CSMD2: variants seen among roughly 807,000 people sequenced by gnomAD.
CSMD2 encodes the protein CUB and Sushi multiple domains 2.
In CSMD2, 130 loss-of-function variants were observed where a neutral mutation model predicts 398.5. The ratio of observed to expected loss-of-function variants is 0.33; its 90% CI spans 0.28 to 0.38. CSMD2 has a LOEUF of 0.38. CSMD2 is among the 10% of genes least tolerant of loss of function. CSMD2 has a pLI of 1.00. For missense variants in CSMD2, 3,829 were observed against 4,764.9 expected, an observed-to-expected ratio of 0.80 and a Z score of 5.78; for synonymous variants, 1,828 against 1,908.5, an observed-to-expected ratio of 0.96 and a Z score of 1.10.
chr1:33,857,649 C>T (rs547957428), intron 5 of CSMD2, among the ~76,000 whole-genome samples: 19 of 152,136 alleles, frequency 1.2e-4, no homozygotes, highest in South Asian at 4.2e-4. Context: ...AATCTCTCTC[C>T]GTGACTCTAA....
chr1:34,100,180 T>C (rs184610013), intron 1 of CSMD2, among the ~76,000 whole-genome samples: 32 of 152,308 alleles, frequency 2.1e-4, no homozygotes, highest in African/African-American at 6.3e-4. Context: ...TCTTCAATCT[T>C]CAATTTAAAA....
At chr1:34,132,047 A>T (rs1298054959) in intron 1 of CSMD2, among the ~76,000 whole-genome samples, 1 of 152,064 alleles carries the variant, frequency 6.6e-6, no homozygotes, top group Non-Finnish European at 1.5e-5. Context: ...CAATTCCTAA[A>T]AACAGCACAC....
At position 33,545,358 on chromosome 1, in the gene CSMD2, C is replaced by T. The variant is rs548650374; in HGVS notation, c.9100+679G>A. 4.6e-5 allele frequency among the ~76,000 whole-genome samples: 7 copies of T among 152,308 alleles called. No homozygotes were observed. In the East Asian group the frequency reaches 1.3e-3, roughly 29 times the overall value. The stretch of plus-strand genomic sequence containing the variant: ...ATTGGTGCTACCTCAGGCAACATCA[C>T]TGAGGGCCTAGATTACTTTGAGAGT... On this transcript the variant is annotated intron_variant, in intron 57 of 70. Coordinates refer to ENST00000373381, the MANE Select transcript of CSMD2 (RefSeq NM_001281956.2).
intron 44 of CSMD2, among the ~76,000 whole-genome samples, chr1:33,597,854 A>C (rs1218671171): frequency 6.6e-6 from 1 of 152,236 alleles, no homozygotes; most frequent in Non-Finnish European, 1.5e-5. Flanking sequence ...AGACTAAATA[A>C]ATTGCTATAT....
rs1032150349 is a variant in CSMD2, at chr1:34,092,548, C to T, written c.188-3355G>A. On this transcript the variant is annotated intron_variant, in intron 1 of 70. Coordinates refer to ENST00000373381, the MANE Select transcript of CSMD2 (RefSeq NM_001281956.2). ...GACAGTGGGCGCAGGTCAGTGGGTG[C>T]GCGCACCGTGCACGAGCCGAAGCAG... Among the ~76,000 whole-genome samples the T allele has an allele frequency of 6.6e-5, 10 of 152,088 alleles. 1 individual carries two copies. The highest frequency in any genetic ancestry group is 1.2e-4 in the African/African-American group (5 of 41,428).
chr1:33,929,432 C>CTTTTTTA (rs1644239784), intron 4 of CSMD2, among the ~76,000 whole-genome samples: 1 of 100,648 alleles, frequency 9.9e-6, no homozygotes, highest in African/African-American at 4.4e-5. Context: ...CAAGCCTATA[C>CTTTTTTA]TTTTTTTTTT....
rs754177685 is a variant in CSMD2, at chr1:33,624,606, G to A, written c.5538C>T (p.Thr1846=). ...GCTCTGGGAAGCCAGGGGACAGGAT[G>A]GTGCCCCTGCGCTCTGTGAGGTTGC... ...CGGNLTERRG[T]ILSPGFPEPY... The change falls in exon 35 of 71, where the codon ACC becomes ACT. Residue 1846 remains threonine (T), a synonymous_variant. Coordinates refer to ENST00000373381, the MANE Select transcript of CSMD2 (RefSeq NM_001281956.2). The surrounding 1 kb of genome is among the most constrained non-coding windows in gnomAD (Gnocchi z 4.7). 6.2e-7 allele frequency: 1 copy of A among 1,613,918 alleles called. No individual in the cohort carries two copies.
intron 3 of CSMD2, among the ~76,000 whole-genome samples, chr1:33,992,401 T>C (rs1646584236): frequency 6.6e-6 from 1 of 151,860 alleles, no homozygotes; most frequent in African/African-American, 2.4e-5. Flanking sequence ...AGAGATGAGG[T>C]TTTGCCATGT....
chr1:33,955,200 GA>G (rs1384519251), intron 3 of CSMD2, among the ~76,000 whole-genome samples: 1 of 152,208 alleles, frequency 6.6e-6, no homozygotes, highest in Non-Finnish European at 1.5e-5. Flanking sequence ...GCCAGAGATG[GA>G]ATGTGAATTA....
intron 13 of CSMD2, among the ~76,000 whole-genome samples, chr1:33,756,633 G>C (rs1443553561): frequency 1.3e-5 from 2 of 152,202 alleles, no homozygotes; most frequent in East Asian, 1.9e-4. Context: ...AGGGAGGCCA[G>C]CATGGTAGGT....
Position 33,519,912 on chromosome 1 carries a change from G to A in CSMD2, c.10636C>T (p.Arg3546Cys), listed in dbSNP as rs150254787. The change falls in exon 69 of 71, where the codon CGC (arginine) becomes TGC (cysteine). Residue 3546 changes from arginine (R) to cysteine (C), a missense_variant. Physicochemically the swap from Arg to Cys is radical, Grantham distance 180. This residue lies in a region of CSMD2 where 917 missense variants were observed against 1,199.5 expected (regional missense o/e 0.76). Coordinates refer to ENST00000373381, the MANE Select transcript of CSMD2 (RefSeq NM_001281956.2). The surrounding 1 kb of genome is among the most constrained non-coding windows in gnomAD (Gnocchi z 5.6). Reference sequence around the variant, plus strand: ...GAGCTGCTGTTGGAAGCAAAGTGGCGGCCAATGGACTCGGGGTCTGACTCC... The same window carrying A: ...GAGCTGCTGTTGGAAGCAAAGTGGCAGCCAATGGACTCGGGGTCTGACTCC... ...LLESDPESIGRHFASNSSSVA... is the reference protein window; with the variant it reads ...LLESDPESIGCHFASNSSSVA... 3 of 1,614,164 alleles carry A rather than the reference G, an allele frequency of 1.9e-6. No homozygotes were observed. Among genetic ancestry groups the A allele is most frequent in the Non-Finnish European group, 2.5e-6 (3 of 1,180,022 alleles).
chr1:33,897,856 C>T (rs2125227681), intron 5 of CSMD2, among the ~76,000 whole-genome samples: 1 of 152,306 alleles, frequency 6.6e-6, no homozygotes, highest in African/African-American at 2.4e-5. Flanking sequence ...ATGTTATCTC[C>T]CTCAATTCTC....
At chr1:33,840,217 CAAT>C (rs1557985475) in intron 6 of CSMD2, 2 of 152,210 alleles carry the variant, frequency 1.3e-5, no homozygotes, top group Admixed American at 1.3e-4. Flanking sequence ...CAGCTGGAGA[CAAT>C]GATGAGAGGA....
In CSMD2 at chr1:33,827,679, C is replaced by T. The variant is rs185577077; in HGVS notation, c.1034-1905G>A. On this transcript the variant is annotated intron_variant, in intron 6 of 70. Coordinates refer to ENST00000373381, the MANE Select transcript of CSMD2 (RefSeq NM_001281956.2). ...TTTTTATTCATGGGTGTATCCTCAACGCCTAGAATCATTTCATTTGGTCCT... is the reference window on the plus strand; with the variant it reads ...TTTTTATTCATGGGTGTATCCTCAATGCCTAGAATCATTTCATTTGGTCCT... Among the ~76,000 whole-genome samples, 77 of 152,240 alleles carry T rather than the reference C, an allele frequency of 5.1e-4. 1 individual carries two copies. The highest frequency in any genetic ancestry group is 1.9e-3 in the South Asian group (9 of 4,810).
chr1:34,157,355 C>T (rs985730504), intron 1 of CSMD2, among the ~76,000 whole-genome samples: 5 of 152,122 alleles, frequency 3.3e-5, no homozygotes, highest in African/African-American at 1.2e-4. Context: ...TTCCCATTTC[C>T]TCATGTCCAC....
chr1:33,999,543 GCAC>G (rs897767372), intron 3 of CSMD2, among the ~76,000 whole-genome samples: 11 of 151,762 alleles, frequency 7.2e-5, no homozygotes, highest in Non-Finnish European at 1.5e-4. Context: ...CCGCATGCAT[GCAC>G]CACCTCACCC....
intron 40 of CSMD2, among the ~76,000 whole-genome samples, chr1:33,613,027 AC>A (rs1192897641): frequency 6.6e-6 from 1 of 152,154 alleles, no homozygotes; most frequent in Non-Finnish European, 1.5e-5. Flanking sequence ...GGAATTTCTG[AC>A]TTGAACTCCA....
chr1:33,766,521 A>G (rs562782573), intron 13 of CSMD2, among the ~76,000 whole-genome samples: 1 of 152,314 alleles, frequency 6.6e-6, no homozygotes, highest in South Asian at 2.1e-4. Flanking sequence ...TATAAGCCAC[A>G]AGGGCCCACT....
intron 24 of CSMD2, among the ~76,000 whole-genome samples, chr1:33,697,257 T>C (rs1045497757): frequency 1.3e-5 from 2 of 152,366 alleles, no homozygotes; most frequent in South Asian, 4.1e-4. Context: ...GTTGTGTGTT[T>C]ATGCAAGCAT....
Sources: gnomAD v4.1 joint callset for allele counts (sites outside exome capture counted in the v4.1 genomes callset) on GRCh38, gnomAD v4.1.1 for gene constraint, gnomAD v4.1.1 regional missense constraint, Gnocchi (gnomAD v3.1) non-coding constraint, MANE v1.5 for transcripts, NCBI Gene and HGNC (gene_info 2026-07-23, HGNC 2026-07-21) for gene names.